Variants in PBX4 observed in about 807,000 individuals in gnomAD.
The protein encoded by PBX4 is pre-B-cell leukemia transcription factor 4.
PBX4 carries 26 observed loss-of-function variants against 35.1 expected under a neutral mutation model. The observed-to-expected ratio is 0.74, with a 90% CI of 0.54 to 1.03. The LOEUF is 1.03. Among genes scored for constraint, PBX4 ranks in the 50% least tolerant of loss-of-function variants. PBX4 has a pLI of 0.00. For synonymous variants in PBX4, 199 were observed against 204.2 expected, an observed-to-expected ratio of 0.97 and a Z score of 0.22; for missense variants, 448 against 504.3, an observed-to-expected ratio of 0.89 and a Z score of 1.07.
intron 2 of PBX4, among the ~76,000 whole-genome samples, chr19:19,597,942 A>C (rs774892850): frequency 3.8e-4 from 58 of 152,274 alleles, no homozygotes; most frequent in Non-Finnish European, 7.5e-4. Context: ...ACTTCAGTCC[A>C]ATCTAGAGGA....
intron 1 of PBX4, among the ~76,000 whole-genome samples, chr19:19,610,479 G>A (rs2061657391): frequency 6.6e-6 from 1 of 152,088 alleles, no homozygotes; most frequent in Admixed American, 6.6e-5. Context: ...GCTGGGCAAA[G>A]TGGCTCACAC....
chr19:19,579,313 C>T (rs568051066), intron 2 of PBX4, among the ~76,000 whole-genome samples: 1 of 151,674 alleles, frequency 6.6e-6, no homozygotes, highest in African/African-American at 2.4e-5. Flanking sequence ...TAAGCCACTA[C>T]AGCCTGGCAA....
chr19:19,609,549 G>GA (rs11300224), intron 1 of PBX4, among the ~76,000 whole-genome samples: 9,485 of 84,946 alleles, frequency 0.11, 607 homozygotes, highest in African/African-American at 0.17. Flanking sequence ...AAATCCATAT[G>GA]AAAAAAAAAA....
chr19:19,587,151 C>T (rs1229015887), intron 2 of PBX4, among the ~76,000 whole-genome samples: 2 of 151,654 alleles, frequency 1.3e-5, no homozygotes, highest in African/African-American at 2.4e-5. Context: ...ATTACAGGCA[C>T]CCGCCACCCC....
Position 19,562,001 on chromosome 19 carries a change from CTCTT to C in PBX4, c.*20_*23del, listed in dbSNP as rs779008785. 2 of 1,595,186 alleles carry C rather than the reference CTCTT, an allele frequency of 1.3e-6. No homozygotes were observed. Among genetic ancestry groups the C allele is most frequent in the East Asian group, 4.5e-5 (2 of 44,242 alleles). ...GCGATACATGGCAGCTCACGCAGCG[CTCTT>C]TCCTGCTTATCCCCCAAACTTAATT... On this transcript the variant is annotated 3_prime_UTR_variant, in exon 8 of 8. Transcript: ENST00000251203. This position sits in a 1 kb window ranked among gnomAD's most constrained non-coding sequence, Gnocchi z 4.8.
chr19:19,617,210 C>T (rs2061693078), intron 1 of PBX4, among the ~76,000 whole-genome samples: 1 of 152,032 alleles, frequency 6.6e-6, no homozygotes, highest in Non-Finnish European at 1.5e-5. Context: ...ACAGGATGGT[C>T]TCACTATGTT....
At chr19:19,600,391 T>C (rs1033562613) in intron 1 of PBX4, among the ~76,000 whole-genome samples, 1 of 151,170 alleles carries the variant, frequency 6.6e-6, no homozygotes, top group African/African-American at 2.4e-5. Flanking sequence ...CTGGGCATGG[T>C]GGTATGCCTG....
At chr19:19,585,477 A>T (rs1042818854) in intron 2 of PBX4, among the ~76,000 whole-genome samples, 4 of 152,148 alleles carry the variant, frequency 2.6e-5, no homozygotes, top group African/African-American at 9.7e-5. Flanking sequence ...CAACTGAGGG[A>T]TTATCACACT....
At chr19:19,566,196 T>G (rs766389981) in intron 5 of PBX4, among the ~76,000 whole-genome samples, 2 of 152,042 alleles carry the variant, frequency 1.3e-5, no homozygotes, top group Non-Finnish European at 2.9e-5. Context: ...GGCACTGGAG[T>G]CCCCCAGGGA....
chr19:19,607,757 C>T (rs186846928), intron 1 of PBX4, among the ~76,000 whole-genome samples: 13 of 152,246 alleles, frequency 8.5e-5, no homozygotes, highest in Admixed American at 7.9e-4. Context: ...AATTTACTTT[C>T]CCAAATTATA....
chr19:19,567,375 T>A (rs894304321), intron 5 of PBX4, among the ~76,000 whole-genome samples: 3 of 152,204 alleles, frequency 2.0e-5, no homozygotes, highest in African/African-American at 7.2e-5. Flanking sequence ...GGGGTTCCAA[T>A]TGCTCTCTGT....
In PBX4 at chr19:19,593,505, G is replaced by A. The variant is rs140617745; in HGVS notation, c.193+5787C>T. Reference sequence around the variant, plus strand: ...TCCTGCCACTGGCTGGTTTGTCTCCGAGACTAGAAGGCTGAGGTGTTCCTG... The same window carrying A: ...TCCTGCCACTGGCTGGTTTGTCTCCAAGACTAGAAGGCTGAGGTGTTCCTG... On this transcript the variant is annotated intron_variant, in intron 2 of 7. Coordinates refer to ENST00000251203, the MANE Select transcript of PBX4 (RefSeq NM_025245.3). Among the ~76,000 whole-genome samples the A allele has an allele frequency of 1.0e-3, 154 of 152,234 alleles. No homozygotes were observed. The East Asian group carries it at 0.016, about 16-fold the overall frequency.
chr19:19,584,419 C>T (rs73004951), intron 2 of PBX4, among the ~76,000 whole-genome samples: 10,285 of 152,124 alleles, frequency 0.068, 410 homozygotes, highest in South Asian at 0.16. Flanking sequence ...CAGCAGGGTC[C>T]AGTCAAGGAG....
At chr19:19,585,860 C>A (rs544124586) in intron 2 of PBX4, among the ~76,000 whole-genome samples, 16 of 152,168 alleles carry the variant, frequency 1.1e-4, no homozygotes, top group Non-Finnish European at 2.4e-4. Flanking sequence ...TAATGATAAT[C>A]CCACCACCCT....
chr19:19,613,414 G>A (rs1248267129), intron 1 of PBX4, among the ~76,000 whole-genome samples: 1 of 141,430 alleles, frequency 7.1e-6, no homozygotes, highest in Admixed American at 7.8e-5. Flanking sequence ...GTTGCAGTGA[G>A]CCAAGAACAC....
intron 2 of PBX4, among the ~76,000 whole-genome samples, chr19:19,593,742 G>A (rs944222372): frequency 6.6e-6 from 1 of 152,172 alleles, no homozygotes; most frequent in African/African-American, 2.4e-5. Context: ...GAGCCAGTCA[G>A]TGGGAAGAAA....
intron 3 of PBX4, 72 bp from the exon 4 acceptor site, chr19:19,570,371 C>T (rs979993154): frequency 2.3e-5 from 34 of 1,505,004 alleles, no homozygotes; most frequent in Middle Eastern, 4.1e-4. Flanking sequence ...GGTTCCACAG[C>T]GGAGCAGCCG....
chr19:19,611,472 A>G (rs143391745), intron 1 of PBX4, among the ~76,000 whole-genome samples: 2,238 of 151,996 alleles, frequency 0.015, 76 homozygotes, highest in South Asian at 0.071. Context: ...TGAGGTCAGG[A>G]GTTCAAGACC....
intron 2 of PBX4, among the ~76,000 whole-genome samples, chr19:19,580,423 C>CA (rs1046346685): frequency 1.3e-5 from 2 of 152,148 alleles, no homozygotes; most frequent in Non-Finnish European, 2.9e-5. Context: ...GCCTCCTGAC[C>CA]AGTGACCCTT....
Sources: gnomAD v4.1 joint callset for allele counts (sites outside exome capture counted in the v4.1 genomes callset) on GRCh38, gnomAD v4.1.1 for gene constraint, Gnocchi (gnomAD v3.1) non-coding constraint, MANE v1.5 for transcripts, NCBI Gene and HGNC (gene_info 2026-07-23, HGNC 2026-07-21) for gene names.